The following CCDC3 variants were observed in gnomAD, a reference collection of about 807,000 sequenced individuals.
The protein encoded by CCDC3 is coiled-coil domain-containing protein 3.
A neutral mutation model predicts 21.4 loss-of-function variants in CCDC3; 24 were observed. The observed-to-expected ratio is 1.12, with a 90% confidence interval of 0.81 to 1.58. CCDC3 has a LOEUF of 1.58. CCDC3 is among the 40% of genes most tolerant of loss of function. The pLI is 0.00. For synonymous variants in CCDC3, 186 were observed against 166.0 expected (o/e 1.12, Z -0.93); for missense variants, 425 against 360.9 (o/e 1.18, Z -1.44).
intron 2 of CCDC3, among the ~76,000 whole-genome samples, chr10:12,922,530 G>A (rs1415921792): frequency 6.6e-6 from 1 of 152,196 alleles, no homozygotes; most frequent in East Asian, 1.9e-4. Flanking sequence ...GAAGAGGCTT[G>A]TAAGGTCCCA....
intron 2 of CCDC3, among the ~76,000 whole-genome samples, chr10:12,991,994 G>C (rs1835689134): frequency 6.6e-6 from 1 of 151,608 alleles, no homozygotes; most frequent in Non-Finnish European, 1.5e-5. Context: ...CATGAATTAA[G>C]CAAGGTGTAG....
intron 2 of CCDC3, among the ~76,000 whole-genome samples, chr10:12,929,002 G>A (rs983155617): frequency 7.9e-5 from 12 of 152,140 alleles, no homozygotes; most frequent in Non-Finnish European, 4.4e-5. Flanking sequence ...GATGGCTCAT[G>A]CCTGTAATCC....
intron 4 of CCDC3, among the ~76,000 whole-genome samples, chr10:13,069,046 G>A (rs1328689775): frequency 9.2e-5 from 14 of 152,106 alleles, no homozygotes; most frequent in Non-Finnish European, 5.9e-5. Flanking sequence ...ACCTGAGGTC[G>A]GGAGTTCGAG....
intron 2 of CCDC3, among the ~76,000 whole-genome samples, chr10:12,988,828 A>G (rs1835638725): frequency 6.6e-6 from 1 of 152,164 alleles, no homozygotes; most frequent in Non-Finnish European, 1.5e-5. Context: ...GGTGTTTAGT[A>G]AATATATGTA....
chr10:12,935,768 C>CCATTCTCCTGCCT, intron 2 of CCDC3, among the ~76,000 whole-genome samples: 2 of 152,066 alleles, frequency 1.3e-5, no homozygotes, highest in East Asian at 3.9e-4. Flanking sequence ...CAGGTTCACG[C>CCATTCTCCTGCCT]CATTCTCCTG....
intron 1 of CCDC3, among the ~76,000 whole-genome samples, 156 bp downstream of exon 1, chr10:13,001,041 G>T (rs1835841186): frequency 6.6e-6 from 1 of 152,318 alleles, no homozygotes; most frequent in African/African-American, 2.4e-5. Flanking sequence ...GACGGAGCAA[G>T]AAAGATCCAA....
intron 2 of CCDC3, among the ~76,000 whole-genome samples, chr10:12,948,106 T>C (rs1003449653): frequency 6.6e-6 from 1 of 152,026 alleles, no homozygotes; most frequent in Non-Finnish European, 1.5e-5. Flanking sequence ...AATCATGGGG[T>C]CAGGTTTTTT....
At position 13,063,786 on chromosome 10, in the gene CCDC3, A is replaced by G. The variant is rs1836790689; in HGVS notation, c.-270+10082T>C. Among the ~76,000 whole-genome samples, 5 of 152,170 alleles carry G rather than the reference A, an allele frequency of 3.3e-5. No homozygotes were observed. In the South Asian group the frequency reaches 1.0e-3, roughly 32 times the overall value. On this transcript the variant is annotated intron_variant, in intron 4 of 6. Coordinates refer to the CCDC3 transcript ENST00000378839. ...GGGAAGCCTTCCTTGTTAATATAAT[A>G]TCTTGCAAGTTCTGGGATGAGGTAG...
intron 2 of CCDC3, among the ~76,000 whole-genome samples, chr10:12,936,044 G>T (rs566062405): frequency 6.6e-6 from 1 of 152,242 alleles, no homozygotes; most frequent in South Asian, 2.1e-4. Flanking sequence ...ATTGTATCTT[G>T]ACTTACTCAT....
intron 2 of CCDC3, among the ~76,000 whole-genome samples, chr10:12,961,221 C>T (rs1170441538): frequency 6.6e-6 from 1 of 152,176 alleles, no homozygotes. Context: ...CCAAGTCTGT[C>T]TCCTCATCTG....
intron 3 of CCDC3, among the ~76,000 whole-genome samples, chr10:13,080,800 C>T (rs1385963116): frequency 2.0e-5 from 3 of 152,246 alleles, no homozygotes; most frequent in African/African-American, 7.2e-5. Flanking sequence ...AGGGAGGGGG[C>T]CAGGCAGTTG....
intron 2 of CCDC3, among the ~76,000 whole-genome samples, chr10:12,903,242 T>TGATGGAGCC (rs1327458152): frequency 6.6e-6 from 1 of 152,208 alleles, no homozygotes; most frequent in African/African-American, 2.4e-5. Flanking sequence ...AAGCCACTGC[T>TGATGGAGCC]GATGGAGCCG....
At chr10:13,050,472 T>C (rs1836590689) in intron 4 of CCDC3, among the ~76,000 whole-genome samples, 1 of 148,298 alleles carries the variant, frequency 6.7e-6, no homozygotes, top group South Asian at 2.2e-4. Context: ...TTTTTTTTTT[T>C]TTTTTTGAGA....
chr10:13,063,780 T>C (rs1304563643), intron 4 of CCDC3, among the ~76,000 whole-genome samples: 1 of 152,198 alleles, frequency 6.6e-6, no homozygotes, highest in African/African-American at 2.4e-5. Flanking sequence ...TCCTTGTTAA[T>C]ATAATATCTT....
At chr10:13,067,388 G>GA (rs1357167398) in intron 4 of CCDC3, among the ~76,000 whole-genome samples, 2 of 109,406 alleles carry the variant, frequency 1.8e-5, no homozygotes, top group Non-Finnish European at 3.7e-5. Flanking sequence ...TTTTAAGTGA[G>GA]AGGTTTTTTT....
At position 13,001,571 on chromosome 10, in the gene CCDC3, G is replaced by A. The variant is rs1439850053; in HGVS notation, c.-1C>T. The A allele has an allele frequency of 4.1e-6, 5 of 1,222,846 alleles. No individual in the cohort carries two copies. Among genetic ancestry groups the A allele is most frequent in the Non-Finnish European group, 5.1e-6 (5 of 982,534 alleles). The allele number at this position is 1,222,846 out of a possible 1,614,324, so 75.7% of individuals were successfully genotyped here. A position where few individuals can be genotyped will look rare whatever the true frequency, so the allele number is the denominator to read the frequency against. On this transcript the variant is annotated 5_prime_UTR_variant, in exon 1 of 3. Transcript: ENST00000378825. ...CGGCGAGCAGCAGCTGGCGCAGCAT[G>A]CCGGGCCCTCCCGGGGCGCACGGGG...
Position 12,898,356 on chromosome 10 carries a change from C to G in CCDC3, c.*60G>C. ...CTTGAAATAGCTGCATGTACGAAAC[C>G]TCACTCATTCTCAATTACCGTCAGG... On this transcript the variant is annotated 3_prime_UTR_variant, in exon 3 of 3. Coordinates refer to ENST00000378825, the MANE Select transcript of CCDC3 (RefSeq NM_031455.4). 6.7e-7 allele frequency: 1 copy of G among 1,490,040 alleles called. No individual in the cohort carries two copies. The highest frequency in any genetic ancestry group is 1.3e-5 in the South Asian group (1 of 75,820). The allele number at this position is 1,490,040 out of a possible 1,614,324, so 92.3% of individuals were successfully genotyped here.
At chr10:12,986,986 ATCT>A (rs1483018944) in intron 2 of CCDC3, among the ~76,000 whole-genome samples, 2 of 152,132 alleles carry the variant, frequency 1.3e-5, no homozygotes, top group Admixed American at 6.5e-5. Flanking sequence ...CTGGAGGGCA[ATCT>A]TCTTCGAGTG....
At chr10:12,993,647 G>A (rs1417004158) in intron 2 of CCDC3, among the ~76,000 whole-genome samples, 1 of 152,188 alleles carries the variant, frequency 6.6e-6, no homozygotes, top group Non-Finnish European at 1.5e-5. Context: ...GGCTGGTGTG[G>A]AAAGAAATCT....
Sources: allele counts gnomAD v4.1 joint callset (sites outside exome capture counted in the v4.1 genomes callset), GRCh38; gene constraint gnomAD v4.1.1; transcripts MANE v1.5; gene names NCBI Gene and HGNC (gene_info 2026-07-23, HGNC 2026-07-21).